Variants in TPCN1 observed in about 807,000 individuals in gnomAD.
The protein encoded by TPCN1 is two pore channel protein 1.
A neutral mutation model predicts 108.8 loss-of-function variants in TPCN1; 52 were observed. That is an observed-to-expected ratio of 0.48 (90% confidence interval 0.38 to 0.60). The LOEUF is 0.60. Among genes scored for constraint, TPCN1 ranks in the 20% least tolerant of loss-of-function variants. The probability of loss-of-function intolerance (pLI) is 0.00; values close to 1 mark genes in which losing one functional copy is unlikely to be tolerated. For missense variants in TPCN1, 806 were observed against 1,072.8 expected (o/e 0.75, Z 3.47); for synonymous variants, 446 against 433.7 (o/e 1.03, Z -0.35).
chr12:113,240,515 ACAGT>A (rs1466463411), intron 2 of TPCN1, among the ~76,000 whole-genome samples: 1 of 152,208 alleles, frequency 6.6e-6, no homozygotes, highest in African/African-American at 2.4e-5. Flanking sequence ...ATGATTGTCT[ACAGT>A]CAGAGTCTCA....
rs1955698368 is a variant in TPCN1 at position 113,277,030 on chromosome 12, C to T, written c.1054C>T (p.Gln352Ter). Residue 352 changes from glutamine (Q) to a stop codon, truncating the protein, a stop_gained, in exon 11 of 28, where the codon CAG becomes TAG. Coordinates refer to ENST00000335509, the MANE Select transcript of TPCN1 (RefSeq NM_017901.6). LOFTEE classifies it high-confidence loss of function. ...GCATGCCTACCGCCTGCTCATCAGC[C>T]AGAGGGTAGGAACTATGGGCCAGGG... ...IQHAYRLLISQRRPAGISYRQ... is the reference protein window; with the variant it reads ...IQHAYRLLIS 2 of 1,613,534 alleles carry T rather than the reference C, an allele frequency of 1.2e-6. No homozygotes were observed. The highest frequency in any genetic ancestry group is 1.7e-6 in the Non-Finnish European group (2 of 1,179,638).
At chr12:113,223,087 C>T (rs116399506) in intron 1 of TPCN1, among the ~76,000 whole-genome samples, 3,205 of 152,280 alleles carry the variant, frequency 0.021, 112 homozygotes, top group African/African-American at 0.073. Context: ...ATTTCCTCTT[C>T]TGCCTTTCCA....
chr12:113,243,369 C>CAA (rs112606897), intron 2 of TPCN1, among the ~76,000 whole-genome samples: 5,785 of 139,374 alleles, frequency 0.042, 284 homozygotes, highest in East Asian at 0.16. Context: ...GACCCTGTCT[C>CAA]AAAAAAAAAA....
At chr12:113,282,850 C>A (rs898842613) in intron 15 of TPCN1, among the ~76,000 whole-genome samples, 6 of 152,084 alleles carry the variant, frequency 3.9e-5, no homozygotes, top group Admixed American at 2.0e-4. Flanking sequence ...CTTTGGGAGG[C>A]CGAGGCGGGC....
intron 27 of TPCN1, among the ~76,000 whole-genome samples, chr12:113,293,841 T>C (rs2136781743): frequency 6.6e-6 from 1 of 152,322 alleles, no homozygotes; most frequent in South Asian, 2.1e-4. Flanking sequence ...GTCGGGCTGC[T>C]TGGTGTTTTG....
chr12:113,258,670 G>T (rs750688824), intron 2 of TPCN1, among the ~76,000 whole-genome samples: 5 of 152,110 alleles, frequency 3.3e-5, no homozygotes, highest in Non-Finnish European at 7.3e-5. Flanking sequence ...AGTCCTAGCT[G>T]CTCAGGAGGC....
intron 2 of TPCN1, among the ~76,000 whole-genome samples, chr12:113,256,217 C>T (rs950898188): frequency 1.3e-5 from 2 of 151,682 alleles, no homozygotes; most frequent in Non-Finnish European, 2.9e-5. Flanking sequence ...ATTGATTGGA[C>T]TCTTGGATTA....
At chr12:113,224,772 G>A (rs565983102) in intron 1 of TPCN1, among the ~76,000 whole-genome samples, 31 of 150,162 alleles carry the variant, frequency 2.1e-4, no homozygotes, top group African/African-American at 7.6e-4. Context: ...ATTTATTTGA[G>A]GTGGAATCTG....
chr12:113,240,053 G>A (rs945352862), intron 2 of TPCN1, among the ~76,000 whole-genome samples: 10 of 151,950 alleles, frequency 6.6e-5, no homozygotes, highest in African/African-American at 1.7e-4. Context: ...TTGCGGGCTC[G>A]GCTGTTCACA....
intron 12 of TPCN1, 121 bp downstream of exon 12, chr12:113,277,485 C>A: frequency 8.2e-7 from 1 of 1,218,448 alleles, no homozygotes; most frequent in Non-Finnish European, 1.2e-6. Context: ...AGACTTCCTC[C>A]ACAGATGTTT....
Position 113,273,225 on chromosome 12 carries a change from C to T in TPCN1, c.784-7C>T, listed in dbSNP as rs1356426498. ...TCCCGACTTCTCTGCCCTCTCTTCC[C>T]TTGCAGTACTTCAGCACCCTGGAGA... On this transcript the variant is annotated splice_polypyrimidine_tract_variant and splice_region_variant and intron_variant, in intron 8 of 27. Transcript: ENST00000335509. The surrounding 1 kb of genome is among the most constrained non-coding windows in gnomAD (Gnocchi z 4.0). 1 of 1,614,084 alleles carries T rather than the reference C, an allele frequency of 6.2e-7. No homozygotes were observed. The highest frequency in any genetic ancestry group is 1.3e-5 in the African/African-American group (1 of 74,940).
In TPCN1 at chr12:113,264,612, G is replaced by A. The variant is rs139939797; in HGVS notation, c.238-1568G>A. 9.5e-3 allele frequency among the ~76,000 whole-genome samples: 1,441 copies of A among 151,974 alleles called. 12 individuals are homozygous for A. Among genetic ancestry groups the A allele is most frequent in the Non-Finnish European group, 0.015 (1,035 of 67,944 alleles). Reference sequence around the variant, plus strand: ...GAGAATTGCTTGAACCCAGGAGGCGGAGGTTGCAGTGAGCCAAGATTGCAC... The same window carrying A: ...GAGAATTGCTTGAACCCAGGAGGCGAAGGTTGCAGTGAGCCAAGATTGCAC... On this transcript the variant is annotated intron_variant, in intron 3 of 27. Coordinates refer to ENST00000335509, the MANE Select transcript of TPCN1 (RefSeq NM_017901.6).
At chr12:113,286,879 C>A in intron 18 of TPCN1, 108 bp from the exon 19 acceptor site, 1 of 743,704 alleles carries the variant, frequency 1.3e-6, no homozygotes, top group Non-Finnish European at 2.3e-6. Context: ...GTTGGTGTTG[C>A]TGTGTCTGGG....
chr12:113,247,528 T>G (rs1311026874), intron 2 of TPCN1, among the ~76,000 whole-genome samples: 1 of 152,208 alleles, frequency 6.6e-6, no homozygotes, highest in Non-Finnish European at 1.5e-5. Context: ...CTGCAACCTC[T>G]TAAGTGGGGA....
intron 2 of TPCN1, among the ~76,000 whole-genome samples, chr12:113,242,911 C>CA (rs1285244888): frequency 1.3e-5 from 2 of 152,224 alleles, no homozygotes; most frequent in Non-Finnish European, 2.9e-5. Context: ...GCACCAGAGT[C>CA]ACGATCCTTC....
chr12:113,229,787 C>T (rs780268837), intron 2 of TPCN1, among the ~76,000 whole-genome samples: 3 of 152,206 alleles, frequency 2.0e-5, no homozygotes, highest in Non-Finnish European at 2.9e-5. Flanking sequence ...CCACCACACC[C>T]GGCCCTGAGC....
rs776415616 is a variant in TPCN1, at chr12:113,288,406, A to G, written c.1706+172A>G. 6.7e-7 allele frequency: 1 copy of G among 1,485,432 alleles called. No individual in the cohort carries two copies. The highest frequency in any genetic ancestry group is 8.9e-7 in the Non-Finnish European group (1 of 1,119,792). The allele number at this position is 1,485,432 out of a possible 1,614,324, so 92.0% of individuals were successfully genotyped here. A position where few individuals can be genotyped will look rare whatever the true frequency, so the allele number is the denominator to read the frequency against. On this transcript the variant is annotated intron_variant, in intron 20 of 27. Transcript: ENST00000335509. This position sits in a 1 kb window ranked among gnomAD's most constrained non-coding sequence, Gnocchi z 4.8. The stretch of plus-strand genomic sequence containing the variant: ...CTTGACCACCACAGGTCTCCTGGGC[A>G]CCATTTTTCTCCACTGACCTGTCTG...
chr12:113,251,051 C>T (rs983762178), intron 2 of TPCN1, among the ~76,000 whole-genome samples: 2 of 151,894 alleles, frequency 1.3e-5, no homozygotes, highest in Non-Finnish European at 2.9e-5. Flanking sequence ...ACCTGTAATC[C>T]TAGAACTCTG....
chr12:113,256,367 TG>T (rs1157241665), intron 2 of TPCN1, among the ~76,000 whole-genome samples: 3 of 152,174 alleles, frequency 2.0e-5, no homozygotes, highest in African/African-American at 7.2e-5. Flanking sequence ...TTTATTTATT[TG>T]GACTCCTGGA....
Sources: gnomAD v4.1 joint callset for allele counts (sites outside exome capture counted in the v4.1 genomes callset) on GRCh38, gnomAD v4.1.1 for gene constraint, Gnocchi (gnomAD v3.1) non-coding constraint, MANE v1.5 for transcripts, NCBI Gene and HGNC (gene_info 2026-07-23, HGNC 2026-07-21) for gene names.